The following HPS4 variants were observed in gnomAD, a reference collection of about 807,000 sequenced individuals.
The protein encoded by HPS4 is HPS4 biogenesis of lysosomal organelles complex 3 subunit 2, also known as BLOC-3 complex member HPS4.
Under a neutral mutation model 70.3 loss-of-function variants are expected in HPS4, and 44 were observed. The ratio of observed to expected loss-of-function variants is 0.63; its 90% CI spans 0.49 to 0.80. The LOEUF (loss-of-function observed/expected upper bound fraction) is 0.80. Ranked by LOEUF, HPS4 falls within the 30% of genes least tolerant of loss-of-function variation. The pLI is 0.00. For synonymous variants in HPS4, 377 were observed against 355.9 expected (o/e 1.06, Z -0.67); for missense variants, 873 against 884.4 (o/e 0.99, Z 0.16).
At position 26,453,293 on chromosome 22, in the gene HPS4, G is replaced by C. The variant is rs1247819781; in HGVS notation, c.2067C>G (p.Ala689=). 5 of 1,614,100 alleles carry C rather than the reference G, an allele frequency of 3.1e-6. No homozygotes were observed. Among genetic ancestry groups the C allele is most frequent in the Non-Finnish European group, 4.2e-6 (5 of 1,180,044 alleles). ...SSGFPNPQDG[A]FSLSGKAKQK... ...GCTTTGCTTTGCCGGAGAGGCTGAA[G>C]GCGCCATCCTGAGGGTTTGGGAAGC... Residue 689 remains alanine (A), a synonymous_variant, in exon 14 of 14, where the codon GCC becomes GCG. Coordinates refer to ENST00000398145, the MANE Select transcript of HPS4 (RefSeq NM_022081.6).
intron 11 of HPS4, among the ~76,000 whole-genome samples, chr22:26,461,490 A>G (rs555335690): frequency 1.3e-5 from 2 of 151,980 alleles, no homozygotes; most frequent in African/African-American, 2.4e-5. Flanking sequence ...CCTTTCACCA[A>G]TCCCAACCCC....
At chr22:26,461,022 C>A (rs2087143922) in intron 11 of HPS4, among the ~76,000 whole-genome samples, 1 of 152,216 alleles carries the variant, frequency 6.6e-6, no homozygotes, top group East Asian at 1.9e-4. Flanking sequence ...TTGCCAGCCA[C>A]CGATATATAC....
In HPS4 at chr22:26,456,690, G is replaced by A. The variant is rs2086196895; in HGVS notation, c.1955+1169C>T. On this transcript the variant is annotated intron_variant, in intron 13 of 13. Coordinates refer to ENST00000398145, the MANE Select transcript of HPS4 (RefSeq NM_022081.6). ...AAATAAAAAATAATGCCCTTGACCA[G>A]ATGGTTCCAAGGACTACGTGGACTA... Among the ~76,000 whole-genome samples, 5 of 103,034 alleles carry A rather than the reference G, an allele frequency of 4.9e-5. No individual in the cohort carries two copies. In the Admixed American group the frequency reaches 4.9e-4, roughly 10 times the overall value. 67.6% of individuals were successfully genotyped at this position (103,034 alleles called of 152,430 possible). A position where few individuals can be genotyped will look rare whatever the true frequency, so the allele number is the denominator to read the frequency against.
chr22:26,464,985 A>C (rs1002548738), intron 10 of HPS4, among the ~76,000 whole-genome samples, 159 bp from the exon 11 acceptor site: 15 of 152,254 alleles, frequency 9.9e-5, no homozygotes, highest in African/African-American at 3.6e-4. Context: ...GAGTAAAAAT[A>C]CACCAACATC....
Position 26,451,992 on chromosome 22 carries a change from GCGCGCGCGCGCGCA to G in HPS4, c.*1227_*1240del, listed in dbSNP as rs760776804. The G allele has an allele frequency of 3.0e-3, 62 of 20,962 alleles. 1 individual carries two copies. Among genetic ancestry groups the G allele is most frequent in the South Asian group, 0.011 (11 of 962 alleles). The allele number at this position is 20,962 out of a possible 1,614,324, so 1.3% of individuals were successfully genotyped here. On this transcript the variant is annotated 3_prime_UTR_variant, in exon 14 of 14. Coordinates refer to ENST00000398145, the MANE Select transcript of HPS4 (RefSeq NM_022081.6). ...AGAGGGATGCGCCCACGTTACGCGC[GCGCGCGCGCGCGCA>G]CACACACACACACACACACACACAC...
Position 26,479,775 on chromosome 22 carries a change from C to G in HPS4, c.42-420G>C, listed in dbSNP as rs146144396. On this transcript the variant is annotated intron_variant, in intron 2 of 13. Coordinates refer to ENST00000398145, the MANE Select transcript of HPS4 (RefSeq NM_022081.6). ...TGCTGAGCACAAAGATTTCCAGAAA[C>G]AGCCCTTCTACCAGGAATTCATGCA... 8 of 746,428 alleles carry G rather than the reference C, an allele frequency of 1.1e-5. No homozygotes were observed. In the African/African-American group the frequency reaches 1.3e-4, roughly 12 times the overall value. The allele number at this position is 746,428 out of a possible 1,614,324, so 46.2% of individuals were successfully genotyped here.
At chr22:26,468,694 G>A in intron 7 of HPS4, 71 bp from the exon 8 acceptor site, 1 of 1,350,146 alleles carries the variant, frequency 7.4e-7, no homozygotes, top group South Asian at 1.2e-5. Flanking sequence ...TTTTAAAGAT[G>A]CCTAACAGCC....
At chr22:26,468,153 T>C (rs561496269) in intron 8 of HPS4, 38 of 254,168 alleles carry the variant, frequency 1.5e-4, no homozygotes, top group Non-Finnish European at 2.5e-4. Context: ...TCTGCCCACC[T>C]CAGCCACCCA....
intron 11 of HPS4, among the ~76,000 whole-genome samples, chr22:26,460,051 G>C (rs1432872566): frequency 1.3e-5 from 2 of 152,212 alleles, no homozygotes; most frequent in African/African-American, 4.8e-5. Flanking sequence ...TTTCCTGTAT[G>C]AAAGTCTCAG....
At chr22:26,457,359 G>A (rs950771880) in intron 13 of HPS4, among the ~76,000 whole-genome samples, 2 of 151,890 alleles carry the variant, frequency 1.3e-5, no homozygotes, top group African/African-American at 4.8e-5. Flanking sequence ...TGGGACTACA[G>A]GCACCCACCA....
In HPS4 at chr22:26,457,532, GAC is replaced by G. The variant is rs576559633; in HGVS notation, c.1955+325_1955+326del. ...AGCCATATTACTTTGTAATTAGAAA[GAC>G]AACAATATTTCAACACTGTTTCTAG... On this transcript the variant is annotated intron_variant, in intron 13 of 13. Coordinates refer to ENST00000398145, the MANE Select transcript of HPS4 (RefSeq NM_022081.6). Among the ~76,000 whole-genome samples, 6 of 152,228 alleles carry G rather than the reference GAC, an allele frequency of 3.9e-5. No individual in the cohort carries two copies. The East Asian group carries it at 1.2e-3, about 29-fold the overall frequency.
At position 26,466,350 on chromosome 22, in the gene HPS4, A is replaced by G. The variant is rs756513172; in HGVS notation, c.670-88T>C. The G allele has an allele frequency of 1.1e-5, 16 of 1,471,514 alleles. 1 individual carries two copies. The East Asian group carries it at 3.4e-4, about 32-fold the overall frequency. The allele number at this position is 1,471,514 out of a possible 1,614,324, so 91.2% of individuals were successfully genotyped here. A position where few individuals can be genotyped will look rare whatever the true frequency, so the allele number is the denominator to read the frequency against. ...CAGGAATTTGCTGTGCCATCTGTTCATAAAACTTAGCCAGGCCCAGAAAGC... is the reference window on the plus strand; with the variant it reads ...CAGGAATTTGCTGTGCCATCTGTTCGTAAAACTTAGCCAGGCCCAGAAAGC... On this transcript the variant is annotated intron_variant, in intron 8 of 13. Transcript: ENST00000398145.
downstream of HPS4, among the ~76,000 whole-genome samples, chr22:26,449,940 G>C (rs1029473773): frequency 3.9e-5 from 6 of 152,204 alleles, no homozygotes; most frequent in Non-Finnish European, 8.8e-5. Flanking sequence ...GCACACTCTA[G>C]GGCAGAATCC....
At chr22:26,456,957 T>C (rs1181800614) in intron 13 of HPS4, among the ~76,000 whole-genome samples, 3 of 152,188 alleles carry the variant, frequency 2.0e-5, no homozygotes, top group Non-Finnish European at 4.4e-5. Context: ...GTTCAAGCTA[T>C]GACATAATGT....
chr22:26,460,644 T>G (rs2087059882), intron 11 of HPS4, among the ~76,000 whole-genome samples: 1 of 152,244 alleles, frequency 6.6e-6, no homozygotes, highest in South Asian at 2.1e-4. Context: ...AAAAACACAG[T>G]TAATCACAAG....
At chr22:26,454,806 G>A (rs1414604256) in intron 13 of HPS4, among the ~76,000 whole-genome samples, 2 of 152,076 alleles carry the variant, frequency 1.3e-5, no homozygotes, top group Non-Finnish European at 2.9e-5. Context: ...CCTACAGAAC[G>A]GGAGAAAATT....
chr22:26,472,820 C>T lies in HPS4; in HGVS notation c.384+12G>A, dbSNP rs771245279. The stretch of plus-strand genomic sequence containing the variant: ...AGGCCCAATGTAAGACTCCTCAACC[C>T]CATACTTGTACCTCATAAGCTAGGG... On this transcript the variant is annotated intron_variant, in intron 5 of 13. Transcript: ENST00000398145. 2 of 1,599,232 alleles carry T rather than the reference C, an allele frequency of 1.3e-6. No individual in the cohort carries two copies. Among genetic ancestry groups the T allele is most frequent in the South Asian group, 2.2e-5 (2 of 90,766 alleles).
chr22:26,458,501 G>A lies in HPS4; in HGVS notation c.1790C>T (p.Ser597Phe). 6.2e-7 allele frequency: 1 copy of A among 1,614,124 alleles called. No individual in the cohort carries two copies. Reference sequence around the variant, plus strand: ...TGTGAAGTTGTAGGTGCTGCTCGTGGAGGCTGCCTCATCCCTGGGCAGCGT... The same window carrying A: ...TGTGAAGTTGTAGGTGCTGCTCGTGAAGGCTGCCTCATCCCTGGGCAGCGT... ...KETLPRDEAA[S>F]TSSTYNFTHY... Residue 597 changes from serine to phenylalanine, a missense_variant, in exon 12 of 14, where the codon TCC becomes TTC. By Grantham distance (155) the Ser-to-Phe change is radical (BLOSUM62 -2). Coordinates refer to ENST00000398145, the MANE Select transcript of HPS4 (RefSeq NM_022081.6).
chr22:26,466,423 C>A, intron 8 of HPS4, 161 bp from the exon 9 acceptor site: 1 of 793,066 alleles, frequency 1.3e-6, no homozygotes. Context: ...CAGAAGCTCC[C>A]CCAAGCTGCT....
Sources: gnomAD v4.1 joint callset for allele counts (sites outside exome capture counted in the v4.1 genomes callset) on GRCh38, gnomAD v4.1.1 for gene constraint, MANE v1.5 for transcripts, NCBI Gene and HGNC (gene_info 2026-07-23, HGNC 2026-07-21) for gene names.